Variants in VAPA observed in about 807,000 individuals in gnomAD.
VAPA encodes the protein VAMP associated protein A, also known as vesicle-associated membrane protein-associated protein A.
Under a neutral mutation model 25.6 loss-of-function variants are expected in VAPA, and 6 were observed. The ratio of observed to expected loss-of-function variants is 0.23; its 90% confidence interval spans 0.13 to 0.46. The LOEUF is 0.46. Among genes scored for constraint, VAPA ranks in the 20% least tolerant of loss-of-function variants. VAPA has a pLI of 0.99. For missense variants in VAPA, 244 were observed against 302.1 expected (o/e 0.81, Z 1.43); for synonymous variants, 112 against 106.2 (o/e 1.05, Z -0.34).
At chr18:9,917,550 G>A (rs574457562) in intron 1 of VAPA, among the ~76,000 whole-genome samples, 1 of 152,216 alleles carries the variant, frequency 6.6e-6, no homozygotes. Context: ...CAAAGTGCTG[G>A]GATTACAGGC....
Position 9,954,620 on chromosome 18 carries a change from C to T in VAPA, c.*409C>T, listed in dbSNP as rs968951946. The T allele has an allele frequency of 1.4e-4, 22 of 156,550 alleles. No homozygotes were observed. Among genetic ancestry groups the T allele is most frequent in the African/African-American group, 5.0e-4 (21 of 41,656 alleles). 9.7% of individuals were successfully genotyped at this position (156,550 alleles called of 1,614,324 possible). A position where few individuals can be genotyped will look rare whatever the true frequency, so the allele number is the denominator to read the frequency against. ...ATTTATTTAGATTGCTAATCCCACT[C>T]ATTCAGGAAATGCCAAGAGGTATTC... On this transcript the variant is annotated 3_prime_UTR_variant, in exon 6 of 6. Transcript: ENST00000400000.
At chr18:9,939,378 C>T (rs1168311794) in intron 4 of VAPA, among the ~76,000 whole-genome samples, 2 of 152,058 alleles carry the variant, frequency 1.3e-5, no homozygotes, top group Non-Finnish European at 2.9e-5. Context: ...TGGTCTCAAA[C>T]TCCTGACCTC....
At chr18:9,915,953 T>G (rs1297053491) in intron 1 of VAPA, 1 of 152,242 alleles carries the variant, frequency 6.6e-6, no homozygotes, top group Non-Finnish European at 1.5e-5. Context: ...GCCATTATCT[T>G]GAGATAATTT....
chr18:9,936,254 A>T, intron 3 of VAPA, 41 bp downstream of exon 3: 1 of 1,338,732 alleles, frequency 7.5e-7, no homozygotes, highest in Non-Finnish European at 1.0e-6. Flanking sequence ...AGTGGAGTTT[A>T]AACTGTGGGT....
At chr18:9,951,415 C>G (rs1272214523) in intron 5 of VAPA, 1 of 152,290 alleles carries the variant, frequency 6.6e-6, no homozygotes, top group East Asian at 1.9e-4. Flanking sequence ...TGATCGCCTT[C>G]TACTGCTCTT....
chr18:9,916,070 C>T (rs1163474828), intron 1 of VAPA, among the ~76,000 whole-genome samples: 2 of 151,882 alleles, frequency 1.3e-5, no homozygotes, highest in African/African-American at 4.8e-5. Flanking sequence ...GTGTAAATTG[C>T]CATTAGGGAT....
chr18:9,941,229 A>G (rs1336803423), intron 4 of VAPA, among the ~76,000 whole-genome samples: 5 of 152,108 alleles, frequency 3.3e-5, no homozygotes, highest in Non-Finnish European at 7.4e-5. Context: ...TTGTAGTATT[A>G]ACTACCCTGC....
chr18:9,941,987 CTTTA>C (rs1310202709), intron 4 of VAPA, among the ~76,000 whole-genome samples: 3 of 152,052 alleles, frequency 2.0e-5, no homozygotes, highest in African/African-American at 4.8e-5. Context: ...TCTTTTGACC[CTTTA>C]TTTTAGTTTA....
chr18:9,948,211 A>T (rs932159601), intron 4 of VAPA: 8 of 152,172 alleles, frequency 5.3e-5, no homozygotes, highest in Non-Finnish European at 1.2e-4. Flanking sequence ...TCCAAGTCTA[A>T]TTCTATTAGA....
At position 9,922,269 on chromosome 18, in the gene VAPA, C is replaced by G. The variant is rs554238312; in HGVS notation, c.79+7934C>G. 4.1e-4 allele frequency among the ~76,000 whole-genome samples: 62 copies of G among 152,290 alleles called. 1 individual carries two copies. The South Asian group carries it at 0.012, about 31-fold the overall frequency. On this transcript the variant is annotated intron_variant, in intron 1 of 5. Coordinates refer to ENST00000400000, the MANE Select transcript of VAPA (RefSeq NM_194434.3). ...ACAGGCATGAGCTACCATACCTGGC[C>G]TGCCTCAGTATTTTTAAAACAAATC...
chr18:9,934,791 A>G (rs1365106998), intron 2 of VAPA, among the ~76,000 whole-genome samples: 5 of 152,186 alleles, frequency 3.3e-5, no homozygotes, highest in African/African-American at 1.2e-4. Context: ...ACCTTAGAAA[A>G]CTTAAAAGAC....
intron 4 of VAPA, among the ~76,000 whole-genome samples, chr18:9,945,982 C>T (rs9959773): frequency 0.082 from 12,446 of 152,224 alleles, 591 homozygotes; most frequent in African/African-American, 0.12. Context: ...TTATCCATCA[C>T]TCCTGTTAGT....
chr18:9,914,180 C>A lies in VAPA; in HGVS notation c.-77C>A. ...GCCTCGTCCTAGAGCTCGGCCGAGC[C>A]GTCGCCGCCGTCGTCCCCCGCCCCC... On this transcript the variant is annotated 5_prime_UTR_variant, in exon 1 of 6. Coordinates refer to ENST00000400000, the MANE Select transcript of VAPA (RefSeq NM_194434.3). The A allele has an allele frequency of 7.5e-7, 1 of 1,340,674 alleles. No individual in the cohort carries two copies. The highest frequency in any genetic ancestry group is 1.0e-6 in the Non-Finnish European group (1 of 980,010). 83.0% of individuals were successfully genotyped at this position (1,340,674 alleles called of 1,614,324 possible).
At chr18:9,934,771 A>G (rs901479901) in intron 2 of VAPA, among the ~76,000 whole-genome samples, 3 of 152,164 alleles carry the variant, frequency 2.0e-5, no homozygotes, top group African/African-American at 7.2e-5. Flanking sequence ...ATGACTTACA[A>G]CCACATGGAA....
chr18:9,949,170 T>C (rs1049924218), intron 4 of VAPA: 1 of 152,078 alleles, frequency 6.6e-6, no homozygotes, highest in East Asian at 1.9e-4. Flanking sequence ...TTAGATTGGT[T>C]GGGGTGGGAG....
chr18:9,925,249 G>C (rs539647322), intron 1 of VAPA, among the ~76,000 whole-genome samples: 1 of 151,568 alleles, frequency 6.6e-6, no homozygotes, highest in Admixed American at 6.6e-5. Context: ...TAAACTGATT[G>C]TATAATATGA....
At position 9,955,141 on chromosome 18, in the gene VAPA, A is replaced by C. The variant is rs2069534024; in HGVS notation, c.*930A>C. On this transcript the variant is annotated 3_prime_UTR_variant, in exon 6 of 6. Transcript: ENST00000400000. ...ATTTACCCCATTCTTAAGTTCTGAGAGTATGTTCTCAAGGAAGATTTAACT... is the reference window on the plus strand; with the variant it reads ...ATTTACCCCATTCTTAAGTTCTGAGCGTATGTTCTCAAGGAAGATTTAACT... The C allele has an allele frequency of 6.6e-6, 1 of 152,132 alleles. No individual in the cohort carries two copies. The highest frequency in any genetic ancestry group is 2.4e-5 in the African/African-American group (1 of 41,388). The allele number at this position is 152,132 out of a possible 1,614,324, so 9.4% of individuals were successfully genotyped here.
In VAPA at chr18:9,949,122, T is replaced by C. The variant is rs112198785; in HGVS notation, c.418-1273T>C. ...GAAAAAGTATTGGCAGGGTAAAATA[T>C]ATCTGAAACAGTTTTTTAATAATAG... On this transcript the variant is annotated intron_variant, in intron 4 of 5. Transcript: ENST00000400000. 9.3e-4 allele frequency: 141 copies of C among 152,326 alleles called. 2 individuals are homozygous for C. The highest frequency in any genetic ancestry group is 3.2e-3 in the African/African-American group (132 of 41,572). The allele number at this position is 152,326 out of a possible 1,614,324, so 9.4% of individuals were successfully genotyped here. A position where few individuals can be genotyped will look rare whatever the true frequency, so the allele number is the denominator to read the frequency against.
chr18:9,937,115 C>A (rs754027545), intron 4 of VAPA, 49 bp downstream of exon 4: 2 of 1,485,060 alleles, frequency 1.3e-6, no homozygotes, highest in African/African-American at 1.4e-5. Context: ...GCTCTCAGTT[C>A]CTTTGATTAA....
Sources: gnomAD v4.1 joint callset for allele counts (sites outside exome capture counted in the v4.1 genomes callset) on GRCh38, gnomAD v4.1.1 for gene constraint, MANE v1.5 for transcripts, NCBI Gene and HGNC (gene_info 2026-07-23, HGNC 2026-07-21) for gene names.